The following HMG20A variants were observed in gnomAD, a reference collection of about 807,000 sequenced individuals.
HMG20A encodes high mobility group 20A, also known as high mobility group protein 20A.
HMG20A carries 17 observed loss-of-function variants against 43.9 expected under a neutral mutation model. That is an observed-to-expected ratio of 0.39 (90% CI 0.27 to 0.58). The LOEUF is 0.58. Among genes scored for constraint, HMG20A ranks in the 20% least tolerant of loss-of-function variants. The probability of loss-of-function intolerance (pLI) is 0.59; values close to 1 mark genes in which losing one functional copy is unlikely to be tolerated. For missense variants in HMG20A, 341 were observed against 438.2 expected (o/e 0.78, Z 1.98); for synonymous variants, 132 against 147.5 (o/e 0.89, Z 0.76).
intron 6 of HMG20A, among the ~76,000 whole-genome samples, chr15:77,477,185 C>A (rs549001873): frequency 6.6e-6 from 1 of 152,124 alleles, no homozygotes; most frequent in African/African-American, 2.4e-5. Flanking sequence ...ACAAAAGTGA[C>A]TGAAAAAAAA....
At chr15:77,495,648 C>T in the HMG20A span, among the ~76,000 whole-genome samples, 2 of 152,208 alleles carry the variant, frequency 1.3e-5, no homozygotes, top group Non-Finnish European at 2.9e-5. Context: ...CCAAAAGCCT[C>T]TGGAAGAATA....
chr15:77,485,818 G>C (rs2072942253), downstream of HMG20A, among the ~76,000 whole-genome samples: 1 of 152,234 alleles, frequency 6.6e-6, no homozygotes, highest in Non-Finnish European at 1.5e-5. Flanking sequence ...TGTAGTCCCA[G>C]CTACTCAGGA....
chr15:77,517,070 T>TCA, the HMG20A span, among the ~76,000 whole-genome samples: 1 of 152,128 alleles, frequency 6.6e-6, no homozygotes, highest in Non-Finnish European at 1.5e-5. Context: ...CCACCAATGC[T>TCA]CACCTTGGTC....
At chr15:77,461,550 A>G (rs2072705186) in intron 2 of HMG20A, among the ~76,000 whole-genome samples, 1 of 152,212 alleles carries the variant, frequency 6.6e-6, no homozygotes, top group Non-Finnish European at 1.5e-5. Flanking sequence ...GGCTTTAGCT[A>G]GGAACATGGA....
the HMG20A span, among the ~76,000 whole-genome samples, chr15:77,490,684 G>GT: frequency 6.6e-6 from 1 of 152,156 alleles, no homozygotes; most frequent in African/African-American, 2.4e-5. Flanking sequence ...GAATGACTCA[G>GT]TTTTTTTGGC....
chr15:77,452,896 T>C (rs185832767), intron 1 of HMG20A, among the ~76,000 whole-genome samples: 4 of 152,272 alleles, frequency 2.6e-5, no homozygotes, highest in African/African-American at 4.8e-5. Context: ...CTCTTGCAAT[T>C]TTGCAATAAC....
At chr15:77,506,044 A>G in the HMG20A span, among the ~76,000 whole-genome samples, 542 of 113,958 alleles carry the variant, frequency 4.8e-3, 2 homozygotes, top group African/African-American at 0.018. Flanking sequence ...TAGGATTTCT[A>G]CCCCCCCACC....
the HMG20A span, among the ~76,000 whole-genome samples, chr15:77,504,963 G>A: frequency 6.6e-6 from 1 of 152,194 alleles, no homozygotes; most frequent in Non-Finnish European, 1.5e-5. Context: ...GTCCTTGGGG[G>A]TGCCTGGCAC....
At chr15:77,467,334 G>C (rs755843903) in intron 4 of HMG20A, 27 bp downstream of exon 4, 36 of 1,558,228 alleles carry the variant, frequency 2.3e-5, no homozygotes, top group Non-Finnish European at 3.1e-5. Flanking sequence ...CTGACTCTTT[G>C]TTTGGTTTTG....
At chr15:77,434,234 A>G (rs963502963) in intron 1 of HMG20A, among the ~76,000 whole-genome samples, 1 of 152,278 alleles carries the variant, frequency 6.6e-6, no homozygotes, top group South Asian at 2.1e-4. Flanking sequence ...TAGTTGGATT[A>G]TAGAGCTAAA....
the HMG20A span, among the ~76,000 whole-genome samples, chr15:77,513,117 T>G: frequency 6.6e-6 from 1 of 152,264 alleles, no homozygotes; most frequent in South Asian, 2.1e-4. Context: ...TAAATCAACA[T>G]GTAATCATGG....
intron 1 of HMG20A, among the ~76,000 whole-genome samples, chr15:77,444,611 T>C (rs2073652740): frequency 6.6e-6 from 1 of 152,198 alleles, no homozygotes; most frequent in South Asian, 2.1e-4. Flanking sequence ...GGGTGAGAAC[T>C]GAGGCTCTGT....
chr15:77,466,218 T>C lies in HMG20A; in HGVS notation c.238-877T>C, dbSNP rs138539187. On this transcript the variant is annotated intron_variant, in intron 3 of 9. Transcript: ENST00000336216. ...CAACATGGCAAAACCCCATCTCTAC[T>C]GAAAATACAAAAATTAGCTGGGTGT... 2.3e-4 allele frequency among the ~76,000 whole-genome samples: 35 copies of C among 152,222 alleles called. No homozygotes were observed. In the East Asian group the frequency reaches 5.8e-3, roughly 25 times the overall value.
downstream of HMG20A, among the ~76,000 whole-genome samples, chr15:77,487,471 C>T (rs1051354135): frequency 1.3e-5 from 2 of 152,164 alleles, no homozygotes; most frequent in Admixed American, 6.5e-5. Flanking sequence ...TTTTTTCCCC[C>T]GGAGAGCCAG....
At chr15:77,436,602 G>T (rs1024668742) in intron 1 of HMG20A, among the ~76,000 whole-genome samples, 1 of 151,874 alleles carries the variant, frequency 6.6e-6, no homozygotes, top group African/African-American at 2.4e-5. Context: ...GGGGCCATGG[G>T]TGTGCACCAC....
intron 1 of HMG20A, among the ~76,000 whole-genome samples, chr15:77,424,033 C>T (rs1359431318): frequency 1.3e-5 from 2 of 152,176 alleles, no homozygotes; most frequent in African/African-American, 4.8e-5. Context: ...GCCAAATATT[C>T]ATATTCTACT....
chr15:77,443,455 G>A lies in HMG20A; in HGVS notation c.-4-14949G>A, dbSNP rs138224161. Among the ~76,000 whole-genome samples the A allele has an allele frequency of 9.8e-3, 1,458 of 149,112 alleles. 10 individuals are homozygous for A. Among genetic ancestry groups the A allele is most frequent in the Non-Finnish European group, 0.015 (1,038 of 67,402 alleles). ...CACCCAGACTGGAGTGCAGTGGCAC[G>A]ATCTCACCTCACTGCAACATCCACC... On this transcript the variant is annotated intron_variant, in intron 1 of 9. Coordinates refer to ENST00000336216, the MANE Select transcript of HMG20A (RefSeq NM_001304504.2).
rs2072923093 is a variant in HMG20A, at chr15:77,483,625, T to A, written c.*662T>A. 1 of 152,720 alleles carries A rather than the reference T, an allele frequency of 6.5e-6. No homozygotes were observed. Among genetic ancestry groups the A allele is most frequent in the Non-Finnish European group, 1.5e-5 (1 of 68,134 alleles). The allele number at this position is 152,720 out of a possible 1,614,324, so 9.5% of individuals were successfully genotyped here. The stretch of plus-strand genomic sequence containing the variant: ...CCTACCCCACACGGTGCTCAGTGGG[T>A]GCCAGCCCTCAGTGTGGCTTTGTGA... On this transcript the variant is annotated 3_prime_UTR_variant, in exon 10 of 10. Transcript: ENST00000336216.
At chr15:77,442,699 CTTGT>C (rs572028032) in intron 1 of HMG20A, among the ~76,000 whole-genome samples, 6 of 152,002 alleles carry the variant, frequency 3.9e-5, no homozygotes, top group East Asian at 3.8e-4. Flanking sequence ...CTAGAAACTC[CTTGT>C]TTGTTTGTTT....
Sources: allele counts gnomAD v4.1 joint callset (sites outside exome capture counted in the v4.1 genomes callset), GRCh38; gene constraint gnomAD v4.1.1; transcripts MANE v1.5; gene names NCBI Gene and HGNC (gene_info 2026-07-23, HGNC 2026-07-21).